SERGEF: variants seen among roughly 807,000 people sequenced by gnomAD.
SERGEF encodes the protein secretion-regulating guanine nucleotide exchange factor.
SERGEF carries 51 observed loss-of-function variants against 50.0 expected under a neutral mutation model. The ratio of observed to expected loss-of-function variants is 1.02; its 90% confidence interval spans 0.81 to 1.29. The LOEUF is 1.29. Among genes scored for constraint, SERGEF ranks in the 50% most tolerant of loss-of-function variants. The pLI, the probability that SERGEF is intolerant of heterozygous loss-of-function variation, is 0.00. For missense variants in SERGEF, 521 were observed against 557.0 expected (o/e 0.94, Z 0.65); for synonymous variants, 205 against 212.4 (o/e 0.97, Z 0.30).
chr11:17,864,863 G>A (rs1312481181), intron 10 of SERGEF, among the ~76,000 whole-genome samples: 1 of 152,148 alleles, frequency 6.6e-6, no homozygotes, highest in Non-Finnish European at 1.5e-5. Context: ...GCAATTTTGG[G>A]TAATGCCTTA....
chr11:17,958,247 G>A (rs1393544513), intron 9 of SERGEF, among the ~76,000 whole-genome samples: 1 of 152,208 alleles, frequency 6.6e-6, no homozygotes, highest in Non-Finnish European at 1.5e-5. Context: ...CTCTAGGTAT[G>A]AAGAGGGTTG....
intron 10 of SERGEF, among the ~76,000 whole-genome samples, chr11:17,829,444 G>GT (rs1433527964): frequency 2.0e-5 from 3 of 152,212 alleles, no homozygotes; most frequent in African/African-American, 7.2e-5. Flanking sequence ...AAGACATGTT[G>GT]TAAGTTGTAA....
At chr11:17,794,174 T>C (rs1463058163) in intron 10 of SERGEF, among the ~76,000 whole-genome samples, 3 of 152,188 alleles carry the variant, frequency 2.0e-5, no homozygotes, top group Non-Finnish European at 4.4e-5. Flanking sequence ...TGCAGCTAGC[T>C]AGGTGTGATC....
intron 8 of SERGEF, among the ~76,000 whole-genome samples, chr11:17,982,304 TC>T (rs1853510678): frequency 6.6e-6 from 1 of 152,208 alleles, no homozygotes; most frequent in South Asian, 2.1e-4. Context: ...CCCTATTTAG[TC>T]CTCAGTTTTC....
At chr11:17,818,085 T>C (rs1055957769) in intron 10 of SERGEF, among the ~76,000 whole-genome samples, 2 of 152,196 alleles carry the variant, frequency 1.3e-5, no homozygotes, top group East Asian at 3.8e-4. Flanking sequence ...ACGTGTACAC[T>C]TCTTTGTTAG....
At chr11:17,957,357 A>G (rs945740869) in intron 9 of SERGEF, among the ~76,000 whole-genome samples, 4 of 152,230 alleles carry the variant, frequency 2.6e-5, no homozygotes, top group Non-Finnish European at 5.9e-5. Flanking sequence ...ATCCTTACCA[A>G]TACCAATACC....
In SERGEF at chr11:17,992,949, G is replaced by A. The variant is rs763950010; in HGVS notation, c.667C>T (p.His223Tyr). 5.7e-5 allele frequency: 92 copies of A among 1,613,878 alleles called. No individual in the cohort carries two copies. The highest frequency in any genetic ancestry group is 1.0e-4 in the Admixed American group (6 of 60,004). Residue 223 changes from histidine to tyrosine, a missense_variant, in exon 7 of 11, where the codon CAC (histidine) becomes TAC (tyrosine). Physicochemically the swap from His to Tyr is moderately conservative, Grantham distance 83 (BLOSUM62 2). Coordinates refer to ENST00000265965, the MANE Select transcript of SERGEF (RefSeq NM_012139.4). ...KAMCVLAGSD[H>Y]SASLTDAGEV... ...TACCTACCTGTTAATGAAGCTGAGT[G>A]GTCTGAGCCAGCAAGAACACACATT...
intron 10 of SERGEF, chr11:17,854,853 T>C (rs1000333466): frequency 2.6e-5 from 4 of 152,240 alleles, no homozygotes; most frequent in African/African-American, 9.6e-5. Flanking sequence ...TGTGGAGCTA[T>C]AGAAATCTGC....
chr11:17,836,638 C>G (rs1291771959), intron 10 of SERGEF, among the ~76,000 whole-genome samples: 1 of 152,200 alleles, frequency 6.6e-6, no homozygotes, highest in Admixed American at 6.5e-5. Context: ...CCTAAACACA[C>G]TGTCTTGTTT....
intron 9 of SERGEF, among the ~76,000 whole-genome samples, chr11:17,890,863 TG>T (rs2133910457): frequency 6.6e-6 from 1 of 152,220 alleles, no homozygotes; most frequent in East Asian, 1.9e-4. Context: ...CAAAAAATGA[TG>T]GGGGCATGTC....
rs1851278146 is a variant in SERGEF, at chr11:17,878,383, A to G, written c.1012-139T>C. 1.9e-5 allele frequency: 12 copies of G among 626,932 alleles called. 1 individual carries two copies. In the South Asian group the frequency reaches 2.4e-4, roughly 13 times the overall value. 38.8% of individuals were successfully genotyped at this position (626,932 alleles called of 1,614,324 possible). ...GAAATAGAAAGAAGCATCACATACA[A>G]AAGTTAAGATTATAATTACAACACA... On this transcript the variant is annotated intron_variant, in intron 9 of 10. Coordinates refer to ENST00000265965, the MANE Select transcript of SERGEF (RefSeq NM_012139.4).
At chr11:17,940,378 CTT>C (rs2133955315) in intron 9 of SERGEF, among the ~76,000 whole-genome samples, 1 of 152,262 alleles carries the variant, frequency 6.6e-6, no homozygotes, top group African/African-American at 2.4e-5. Flanking sequence ...TACTTAGCCT[CTT>C]TGAGTTCCAG....
chr11:17,806,284 G>A (rs945664003), intron 10 of SERGEF, among the ~76,000 whole-genome samples: 18 of 152,364 alleles, frequency 1.2e-4, no homozygotes, highest in African/African-American at 3.8e-4. Context: ...GAAAGAGAAG[G>A]AGGAAGGAGC....
chr11:17,979,351 C>T (rs537933853), intron 8 of SERGEF, among the ~76,000 whole-genome samples: 1 of 152,282 alleles, frequency 6.6e-6, no homozygotes, highest in African/African-American at 2.4e-5. Context: ...CTTGGGGTAT[C>T]CAATGTATCT....
intron 9 of SERGEF, among the ~76,000 whole-genome samples, chr11:17,897,045 C>T (rs1230836444): frequency 6.6e-6 from 1 of 152,206 alleles, no homozygotes; most frequent in Admixed American, 6.5e-5. Context: ...ATCAATCACA[C>T]GTGCCCTTTA....
chr11:17,948,769 C>T (rs1852718569), intron 9 of SERGEF, among the ~76,000 whole-genome samples: 1 of 152,228 alleles, frequency 6.6e-6, no homozygotes, highest in South Asian at 2.1e-4. Context: ...TTGCTTTCCA[C>T]TTATACTTCT....
At chr11:17,826,660 A>G (rs182505954) in intron 10 of SERGEF, among the ~76,000 whole-genome samples, 204 of 152,348 alleles carry the variant, frequency 1.3e-3, no homozygotes, top group African/African-American at 4.5e-3. Flanking sequence ...CTGCATGCTT[A>G]AAATGGTTAA....
Position 17,830,649 on chromosome 11 carries a change from G to GAGAGAGAGAGAGAGAGAGAGAGA in SERGEF, c.1049-42237_1049-42236insTCTCTCTCTCTCTCTCTCTCTCT, listed in dbSNP as rs1554999450. Among the ~76,000 whole-genome samples the GAGAGAGAGAGAGAGAGAGAGAGA allele has an allele frequency of 2.6e-5, 2 of 77,726 alleles. 1 individual carries two copies. Among genetic ancestry groups the GAGAGAGAGAGAGAGAGAGAGAGA allele is most frequent in the African/African-American group, 1.2e-4 (2 of 17,314 alleles). The allele number at this position is 77,726 out of a possible 152,430, so 51.0% of individuals were successfully genotyped here. On this transcript the variant is annotated intron_variant, in intron 10 of 10. Coordinates refer to ENST00000265965, the MANE Select transcript of SERGEF (RefSeq NM_012139.4). The stretch of plus-strand genomic sequence containing the variant: ...GAGGGAAAGGGGGAGGGAGAGGGAG[G>GAGAGAGAGAGAGAGAGAGAGAGA]GAGAGAGAGAGAGAGAGAGAGAGAG...
At chr11:17,889,370 A>G (rs771078071) in intron 9 of SERGEF, among the ~76,000 whole-genome samples, 20 of 152,250 alleles carry the variant, frequency 1.3e-4, no homozygotes, top group Non-Finnish European at 2.5e-4. Context: ...GCCTCCTCAT[A>G]TGATGCACTA....
Sources: allele counts gnomAD v4.1 joint callset (sites outside exome capture counted in the v4.1 genomes callset), GRCh38; gene constraint gnomAD v4.1.1; transcripts MANE v1.5; gene names NCBI Gene and HGNC (gene_info 2026-07-23, HGNC 2026-07-21).